NYAP2: variants seen among roughly 807,000 people sequenced by gnomAD.
NYAP2 encodes the protein neuronal tyrosine-phosphorylated phosphoinositide-3-kinase adaptor 2, also known as neuronal tyrosine-phosphorylated phosphoinositide-3-kinase adapter 2.
Under a neutral mutation model 50.4 loss-of-function variants are expected in NYAP2, and 23 were observed. The observed-to-expected ratio is 0.46, with a 90% confidence interval of 0.33 to 0.65. The LOEUF (loss-of-function observed/expected upper bound fraction) is 0.65. Ranked by LOEUF, NYAP2 falls within the 30% of genes least tolerant of loss-of-function variation. The probability of loss-of-function intolerance (pLI) is 0.02; values close to 1 mark genes in which losing one functional copy is unlikely to be tolerated. For synonymous variants in NYAP2, 394 were observed against 365.2 expected, an observed-to-expected ratio of 1.08 and a Z score of -0.90; for missense variants, 885 against 861.0, an observed-to-expected ratio of 1.03 and a Z score of -0.35.
At chr2:225,416,443 G>A (rs1212278249) in intron 3 of NYAP2, among the ~76,000 whole-genome samples, 1 of 151,934 alleles carries the variant, frequency 6.6e-6, no homozygotes, top group Admixed American at 6.6e-5. Context: ...CCCTTATACA[G>A]GTCAAAATGG....
At chr2:225,608,628 T>TA (rs936270673) in intron 5 of NYAP2, among the ~76,000 whole-genome samples, 1 of 152,070 alleles carries the variant, frequency 6.6e-6, no homozygotes, top group Non-Finnish European at 1.5e-5. Flanking sequence ...TTCAATTTTT[T>TA]AAAAAAAGTA....
At chr2:225,573,971 A>C (rs1692124595) in intron 4 of NYAP2, among the ~76,000 whole-genome samples, 1 of 152,192 alleles carries the variant, frequency 6.6e-6, no homozygotes, top group African/African-American at 2.4e-5. Flanking sequence ...GAAGGTGTTG[A>C]GGGTGGCTAT....
chr2:225,632,610 T>C (rs1402754376), intron 6 of NYAP2, among the ~76,000 whole-genome samples: 1 of 152,222 alleles, frequency 6.6e-6, no homozygotes, highest in African/African-American at 2.4e-5. Context: ...CACTGTTGTT[T>C]AGTAAATCAC....
chr2:225,609,541 T>C (rs2106246442), intron 5 of NYAP2, among the ~76,000 whole-genome samples: 1 of 152,122 alleles, frequency 6.6e-6, no homozygotes, highest in East Asian at 1.9e-4. Flanking sequence ...AGTTCTTAGG[T>C]CCAAGCTGCA....
chr2:225,420,385 A>T (rs1440754612), intron 3 of NYAP2, among the ~76,000 whole-genome samples: 1 of 152,158 alleles, frequency 6.6e-6, no homozygotes, highest in Non-Finnish European at 1.5e-5. Flanking sequence ...TAAAATGCCT[A>T]CTTTATGTCT....
chr2:225,510,357 G>T (rs1690789104), intron 3 of NYAP2, among the ~76,000 whole-genome samples: 1 of 152,050 alleles, frequency 6.6e-6, no homozygotes. Context: ...GGGGGTTCTG[G>T]ATTAGCTACA....
intron 6 of NYAP2, among the ~76,000 whole-genome samples, chr2:225,630,473 A>T (rs1401129448): frequency 6.6e-6 from 1 of 152,154 alleles, no homozygotes; most frequent in Non-Finnish European, 1.5e-5. Flanking sequence ...TCTCCATTTC[A>T]TCTAATTGGT....
Position 225,582,643 on chromosome 2 carries a change from C to A in NYAP2, c.1226C>A (p.Ala409Glu), listed in dbSNP as rs367790714. 1.9e-5 allele frequency: 30 copies of A among 1,596,464 alleles called. No individual in the cohort carries two copies. Among genetic ancestry groups the A allele is most frequent in the South Asian group, 1.1e-5 (1 of 88,030 alleles). ...CTGGGACCTGCCTCTGCCACCCCTG[C>A]GCTCTCCTCGTCGCCCCCACCCCCG... is the stretch of plus-strand genomic sequence containing the variant. Residue 409 changes from alanine to glutamate, a missense_variant, in exon 5 of 7, where the codon GCG becomes GAG. Transcript: ENST00000636099. The surrounding 1 kb of genome is among the most constrained non-coding windows in gnomAD (Gnocchi z 7.0).
At chr2:225,552,057 C>T (rs1691687930) in intron 4 of NYAP2, among the ~76,000 whole-genome samples, 1 of 152,162 alleles carries the variant, frequency 6.6e-6, no homozygotes, top group South Asian at 2.1e-4. Flanking sequence ...AAGTGTTCCA[C>T]CTGCCTCGGC....
chr2:225,408,910 T>C (rs1213969919), exon 3 of NYAP2: 1 of 1,610,664 alleles, frequency 6.2e-7, no homozygotes, highest in Non-Finnish European at 8.5e-7. Context: ...TGAGTTCTAA[T>C]CCTGAGGAAG....
At chr2:225,586,727 A>AT (rs1443352911) in intron 5 of NYAP2, among the ~76,000 whole-genome samples, 1 of 152,190 alleles carries the variant, frequency 6.6e-6, no homozygotes, top group Non-Finnish European at 1.5e-5. Flanking sequence ...GGGCCATTTC[A>AT]TTTTAATAAA....
the NYAP2 span, among the ~76,000 whole-genome samples, chr2:225,661,772 G>T: frequency 6.7e-6 from 1 of 149,290 alleles, no homozygotes; most frequent in African/African-American, 2.5e-5. Context: ...CACCCAGGCC[G>T]GAGTGCAGTG....
intron 6 of NYAP2, among the ~76,000 whole-genome samples, chr2:225,627,767 AC>A (rs1693234658): frequency 6.6e-6 from 1 of 152,242 alleles, no homozygotes; most frequent in Non-Finnish European, 1.5e-5. Context: ...GTATTATTAA[AC>A]ATCAACTTTT....
downstream of NYAP2, among the ~76,000 whole-genome samples, chr2:225,656,338 T>C (rs567716866): frequency 6.6e-6 from 1 of 152,314 alleles, no homozygotes; most frequent in Non-Finnish European, 1.5e-5. Context: ...TTCTGTATAC[T>C]TAATAGCTGT....
intron 3 of NYAP2, among the ~76,000 whole-genome samples, chr2:225,476,286 G>C (rs1052545994): frequency 6.6e-6 from 1 of 151,968 alleles, no homozygotes; most frequent in Non-Finnish European, 1.5e-5. Context: ...AGTGATGGGC[G>C]CCTGTAGTCC....
chr2:225,421,804 C>T (rs566782944), intron 3 of NYAP2, among the ~76,000 whole-genome samples: 3 of 152,298 alleles, frequency 2.0e-5, no homozygotes, highest in African/African-American at 7.2e-5. Context: ...GTCCCCAAAC[C>T]TCAGCAACTC....
intron 4 of NYAP2, among the ~76,000 whole-genome samples, chr2:225,541,978 T>G (rs1372437333): frequency 6.6e-6 from 1 of 152,152 alleles, no homozygotes; most frequent in Non-Finnish European, 1.5e-5. Flanking sequence ...ATTTTACAGT[T>G]TTCATTATAG....
chr2:225,431,606 C>T (rs948201361), intron 3 of NYAP2, among the ~76,000 whole-genome samples: 1 of 152,212 alleles, frequency 6.6e-6, no homozygotes, highest in Non-Finnish European at 1.5e-5. Flanking sequence ...TTTTAGTTAA[C>T]AGTCATTGAA....
the NYAP2 span, among the ~76,000 whole-genome samples, chr2:225,660,793 G>T: frequency 3.3e-5 from 5 of 152,148 alleles, no homozygotes; most frequent in African/African-American, 9.7e-5. Context: ...ATCTGCTGAT[G>T]ATTTTTGTTT....
Sources: gnomAD v4.1 joint callset for allele counts (sites outside exome capture counted in the v4.1 genomes callset) on GRCh38, gnomAD v4.1.1 for gene constraint, Gnocchi (gnomAD v3.1) non-coding constraint, MANE v1.5 for transcripts, NCBI Gene and HGNC (gene_info 2026-07-23, HGNC 2026-07-21) for gene names.